PAQR8: variants seen among roughly 807,000 people sequenced by gnomAD.
PAQR8 encodes the protein membrane progestin receptor beta.
A neutral mutation model predicts 25.2 loss-of-function variants in PAQR8; 17 were observed. The ratio of observed to expected loss-of-function variants is 0.67; its 90% CI spans 0.46 to 1.01. The LOEUF (loss-of-function observed/expected upper bound fraction) is 1.01. Among genes scored for constraint, PAQR8 ranks in the 50% least tolerant of loss-of-function variants. PAQR8 has a pLI of 0.00. For missense variants in PAQR8, 392 were observed against 448.4 expected (o/e 0.87, Z 1.14); for synonymous variants, 204 against 190.6 (o/e 1.07, Z -0.58).
intron 1 of PAQR8, among the ~76,000 whole-genome samples, chr6:52,393,438 T>A (rs913287432): frequency 2.0e-5 from 3 of 147,758 alleles, no homozygotes; most frequent in African/African-American, 7.5e-5. Context: ...TGGGCTCAAG[T>A]GATCCTCCCA....
chr6:52,397,316 G>C (rs1261101765), intron 1 of PAQR8, among the ~76,000 whole-genome samples: 5 of 152,068 alleles, frequency 3.3e-5, no homozygotes, highest in African/African-American at 1.2e-4. Flanking sequence ...CCATTCCTAT[G>C]CTCTTATTTT....
At position 52,403,748 on chromosome 6, in the gene PAQR8, T is replaced by C; in HGVS notation, c.535T>C (p.Phe179Leu). ...QAWYDRFWLFFLPAAAFCGWL... is the reference protein window; with the variant it reads ...QAWYDRFWLFLLPAAAFCGWL... ...CTGGTATGACCGGTTCTGGCTTTTC[T>C]TCTTGCCAGCAGCTGCCTTCTGTGG... Residue 179 changes from phenylalanine to leucine, a missense_variant, in exon 2 of 2, where the codon TTC becomes CTC. Coordinates refer to ENST00000442253, the MANE Select transcript of PAQR8 (RefSeq NM_133367.5). 6.2e-7 allele frequency: 1 copy of C among 1,614,276 alleles called. No homozygotes were observed. The highest frequency in any genetic ancestry group is 1.1e-5 in the South Asian group (1 of 91,088).
At chr6:52,390,168 C>T (rs946387644) in intron 1 of PAQR8, among the ~76,000 whole-genome samples, 4 of 152,204 alleles carry the variant, frequency 2.6e-5, no homozygotes, top group South Asian at 4.1e-4. Flanking sequence ...TTCTCCCACT[C>T]GACAGATTAA....
At chr6:52,392,758 T>C (rs1763724722) in intron 1 of PAQR8, among the ~76,000 whole-genome samples, 4 of 152,246 alleles carry the variant, frequency 2.6e-5, no homozygotes, top group Admixed American at 2.6e-4. Flanking sequence ...ACAAACCATG[T>C]GTCTCTTTAA....
chr6:52,392,065 T>G (rs1763714560), intron 1 of PAQR8, among the ~76,000 whole-genome samples: 1 of 152,178 alleles, frequency 6.6e-6, no homozygotes, highest in Non-Finnish European at 1.5e-5. Flanking sequence ...ATAGAGAGGT[T>G]GAATAATTTG....
At chr6:52,364,081 A>ACGTTTTTTTT (rs1763321812) in intron 1 of PAQR8, among the ~76,000 whole-genome samples, 1 of 39,032 alleles carries the variant, frequency 2.6e-5, no homozygotes, top group African/African-American at 8.1e-5. Flanking sequence ...ATTGAAAGAT[A>ACGTTTTTTTT]TGTTTTTTTT....
intron 1 of PAQR8, among the ~76,000 whole-genome samples, chr6:52,384,660 T>A (rs984899142): frequency 6.6e-6 from 1 of 152,102 alleles, no homozygotes; most frequent in Non-Finnish European, 1.5e-5. Flanking sequence ...AGAAAAAGAA[T>A]ACTATTCTGA....
intron 1 of PAQR8, among the ~76,000 whole-genome samples, chr6:52,394,360 C>G (rs1009907293): frequency 5.9e-5 from 9 of 152,170 alleles, no homozygotes; most frequent in Admixed American, 6.5e-5. Flanking sequence ...TTGAAAGTTA[C>G]TGAAAAGGAA....
At chr6:52,373,520 C>T (rs1276355621) in intron 1 of PAQR8, 1 of 152,246 alleles carries the variant, frequency 6.6e-6, no homozygotes, top group African/African-American at 2.4e-5. Context: ...AATCACATGC[C>T]TCTCTCCTCT....
intron 1 of PAQR8, among the ~76,000 whole-genome samples, chr6:52,402,494 G>A (rs1253782101): frequency 6.6e-6 from 1 of 151,894 alleles, no homozygotes; most frequent in East Asian, 1.9e-4. Flanking sequence ...GCACATGCCT[G>A]TAATCCCAGC....
chr6:52,392,601 T>C (rs901126888), intron 1 of PAQR8, among the ~76,000 whole-genome samples: 1 of 152,180 alleles, frequency 6.6e-6, no homozygotes, highest in African/African-American at 2.4e-5. Flanking sequence ...CTTTGTTAAT[T>C]TGGGAAAGGC....
intron 1 of PAQR8, among the ~76,000 whole-genome samples, chr6:52,371,323 G>A (rs1396697289): frequency 2.6e-5 from 4 of 152,240 alleles, no homozygotes; most frequent in Non-Finnish European, 2.9e-5. Flanking sequence ...AACAATATAT[G>A]TACAGTGGAC....
chr6:52,375,171 C>G (rs1763471190), intron 1 of PAQR8, among the ~76,000 whole-genome samples: 1 of 151,892 alleles, frequency 6.6e-6, no homozygotes, highest in South Asian at 2.1e-4. Flanking sequence ...TGCCACTGTT[C>G]CCTCCTGAGC....
At chr6:52,387,745 G>C (rs1321418818) in intron 1 of PAQR8, among the ~76,000 whole-genome samples, 1 of 152,228 alleles carries the variant, frequency 6.6e-6, no homozygotes, top group East Asian at 1.9e-4. Context: ...TGGCCTGTTA[G>C]GAACTGAGCT....
chr6:52,403,800 A>T lies in PAQR8; in HGVS notation c.587A>T (p.Tyr196Phe). The T allele has an allele frequency of 6.2e-7, 1 of 1,614,106 alleles. No individual in the cohort carries two copies. The change falls in exon 2 of 2, where the codon TAT becomes TTT. Residue 196 changes from tyrosine (Y) to phenylalanine (F), a missense_variant. Coordinates refer to ENST00000442253, the MANE Select transcript of PAQR8 (RefSeq NM_133367.5). The part of the protein sequence containing the change: ...CGWLSCAGCC[Y>F]AKYRYRRPYP... Reference sequence around the variant, plus strand: ...TGGTTATCTTGTGCTGGCTGTTGCTATGCCAAATATCGTTACCGGAGGCCT... The same window carrying T: ...TGGTTATCTTGTGCTGGCTGTTGCTTTGCCAAATATCGTTACCGGAGGCCT...
At chr6:52,399,568 C>T (rs769741949) in intron 1 of PAQR8, among the ~76,000 whole-genome samples, 2 of 152,132 alleles carry the variant, frequency 1.3e-5, no homozygotes, top group Admixed American at 6.5e-5. Flanking sequence ...ATGCAGGAAT[C>T]GTCTGATTGG....
intron 1 of PAQR8, among the ~76,000 whole-genome samples, chr6:52,372,964 C>T (rs1270575106): frequency 2.6e-5 from 4 of 152,210 alleles, no homozygotes; most frequent in African/African-American, 9.6e-5. Context: ...CCCTGGTCAC[C>T]CAACTTGTAA....
chr6:52,397,054 G>A (rs1335064573), intron 1 of PAQR8, among the ~76,000 whole-genome samples: 1 of 152,174 alleles, frequency 6.6e-6, no homozygotes, highest in African/African-American at 2.4e-5. Flanking sequence ...AGAAAGCCAA[G>A]GTGGGGCCAG....
At chr6:52,365,542 A>ACAG (rs1253482627) in intron 1 of PAQR8, among the ~76,000 whole-genome samples, 1 of 152,190 alleles carries the variant, frequency 6.6e-6, no homozygotes, top group Non-Finnish European at 1.5e-5. Flanking sequence ...TGAGTGCTCA[A>ACAG]CAGAGTCTAC....
Sources: allele counts gnomAD v4.1 joint callset (sites outside exome capture counted in the v4.1 genomes callset), GRCh38; gene constraint gnomAD v4.1.1; transcripts MANE v1.5; gene names NCBI Gene and HGNC (gene_info 2026-07-23, HGNC 2026-07-21).